ZNF385D: variants seen among roughly 807,000 people sequenced by gnomAD.
The protein encoded by ZNF385D is zinc finger protein 385D.
In ZNF385D, 15 loss-of-function variants were observed where a neutral mutation model predicts 35.8. That is an observed-to-expected ratio of 0.42 (90% CI 0.28 to 0.64). The LOEUF (loss-of-function observed/expected upper bound fraction) is 0.64, where lower values mean the gene tolerates loss of function less well. Among genes scored for constraint, ZNF385D ranks in the 30% least tolerant of loss-of-function variants. The pLI is 0.23. For missense variants in ZNF385D, 474 were observed against 494.6 expected, an observed-to-expected ratio of 0.96 and a Z score of 0.39; for synonymous variants, 212 against 186.8, an observed-to-expected ratio of 1.13 and a Z score of -1.10.
At chr3:21,807,061 A>G (rs9831481) in intron 3 of ZNF385D, among the ~76,000 whole-genome samples, 12,816 of 149,018 alleles carry the variant, frequency 0.086, 601 homozygotes, top group Middle Eastern at 0.11. Flanking sequence ...AGAGAGAAAG[A>G]AGGAGGAAAT....
intron 3 of ZNF385D, among the ~76,000 whole-genome samples, chr3:21,773,494 A>G: frequency 6.6e-6 from 1 of 151,920 alleles, no homozygotes. Flanking sequence ...CTAAAGAATC[A>G]GAGAAATTTT....
chr3:21,651,592 A>G (rs993541988), intron 2 of ZNF385D, among the ~76,000 whole-genome samples: 1 of 151,714 alleles, frequency 6.6e-6, no homozygotes, highest in African/African-American at 2.4e-5. Context: ...CATTGTGAAA[A>G]CTATTAGAAT....
intron 3 of ZNF385D, among the ~76,000 whole-genome samples, chr3:22,036,293 C>G (rs566584571): frequency 6.6e-6 from 1 of 152,218 alleles, no homozygotes; most frequent in East Asian, 1.9e-4. Flanking sequence ...CACAGTTAAT[C>G]AACCAAATAT....
At chr3:21,891,242 A>G (rs1430951968) in intron 3 of ZNF385D, among the ~76,000 whole-genome samples, 2 of 152,184 alleles carry the variant, frequency 1.3e-5, no homozygotes, top group African/African-American at 4.8e-5. Context: ...TTTCATTGTT[A>G]AGACTCTCAT....
intron 3 of ZNF385D, among the ~76,000 whole-genome samples, chr3:21,788,575 G>C (rs1007789262): frequency 1.3e-5 from 2 of 152,184 alleles, no homozygotes; most frequent in Non-Finnish European, 2.9e-5. Context: ...TTAGTACATT[G>C]TCTTTGAATC....
chr3:21,811,825 A>G (rs1173129089), intron 3 of ZNF385D, among the ~76,000 whole-genome samples: 2 of 152,206 alleles, frequency 1.3e-5, no homozygotes, highest in African/African-American at 4.8e-5. Context: ...AATCATCATG[A>G]ATTTTTCCAA....
intron 3 of ZNF385D, among the ~76,000 whole-genome samples, chr3:21,757,134 T>TTTTTTTTTTTTTTTTTTTTGTTTTTG (rs1553654008): frequency 7.8e-6 from 1 of 128,232 alleles, no homozygotes; most frequent in Non-Finnish European, 1.6e-5. Context: ...TTTTTTTTTT[T>TTTTTTTTTTTTTTTTTTTTGTTTTTG]TTTTTGTTTT....
intron 2 of ZNF385D, among the ~76,000 whole-genome samples, chr3:21,612,013 C>T (rs555838605): frequency 6.6e-6 from 1 of 152,288 alleles, no homozygotes; most frequent in Non-Finnish European, 1.5e-5. Context: ...CTAAAAGTTA[C>T]CATCATTCTA....
In ZNF385D at chr3:21,465,895, G is replaced by T. The variant is rs976106014; in HGVS notation, c.440-28692C>A. On this transcript the variant is annotated intron_variant, in intron 4 of 7. Coordinates refer to ENST00000281523, the MANE Select transcript of ZNF385D (RefSeq NM_024697.3). The surrounding 1 kb of genome is among the most constrained non-coding windows in gnomAD (Gnocchi z 4.2). ...ATTCTCCATCACACCTCAGGATACA[G>T]GAGCTGCCGTGAGCACAAATAGAGA... Among the ~76,000 whole-genome samples, 1 of 152,122 alleles carries T rather than the reference G, an allele frequency of 6.6e-6. No individual in the cohort carries two copies. Among genetic ancestry groups the T allele is most frequent in the African/African-American group, 2.4e-5 (1 of 41,414 alleles).
At chr3:21,717,320 G>A (rs1443507175) in intron 1 of ZNF385D, among the ~76,000 whole-genome samples, 2 of 152,102 alleles carry the variant, frequency 1.3e-5, no homozygotes, top group Non-Finnish European at 2.9e-5. Flanking sequence ...AGCAGAAAAG[G>A]TATGCACAGG....
chr3:21,598,905 G>T (rs1461915445), intron 2 of ZNF385D, among the ~76,000 whole-genome samples: 1 of 152,060 alleles, frequency 6.6e-6, no homozygotes, highest in Non-Finnish European at 1.5e-5. Flanking sequence ...TGTTACATTG[G>T]GATCATCTCC....
intron 3 of ZNF385D, among the ~76,000 whole-genome samples, chr3:21,531,112 T>C (rs1422048303): frequency 6.6e-6 from 1 of 152,214 alleles, no homozygotes; most frequent in Non-Finnish European, 1.5e-5. Flanking sequence ...TGATGATACA[T>C]AGAGCAATCT....
intron 4 of ZNF385D, among the ~76,000 whole-genome samples, chr3:21,467,621 C>T (rs1338622281): frequency 1.3e-5 from 2 of 152,162 alleles, no homozygotes; most frequent in Non-Finnish European, 2.9e-5. Context: ...GTGTCAATGG[C>T]ATCTTTTTGT....
chr3:22,035,713 G>C (rs899999494), intron 3 of ZNF385D, among the ~76,000 whole-genome samples: 5 of 152,164 alleles, frequency 3.3e-5, no homozygotes, highest in African/African-American at 1.2e-4. Context: ...TGGGCCATGA[G>C]TGTTTCTAAG....
chr3:21,804,733 A>C (rs1240832371), intron 3 of ZNF385D, among the ~76,000 whole-genome samples: 1 of 151,820 alleles, frequency 6.6e-6, no homozygotes, highest in African/African-American at 2.4e-5. Flanking sequence ...TACATTATTT[A>C]CTTAATTTTA....
At chr3:21,791,821 G>A (rs904053538) in intron 3 of ZNF385D, among the ~76,000 whole-genome samples, 4 of 152,118 alleles carry the variant, frequency 2.6e-5, no homozygotes, top group East Asian at 1.9e-4. Context: ...TGCAACCTCC[G>A]ACTCCCTGGT....
At chr3:21,873,827 G>A (rs1697822280) in intron 3 of ZNF385D, among the ~76,000 whole-genome samples, 2 of 151,978 alleles carry the variant, frequency 1.3e-5, no homozygotes, top group Non-Finnish European at 2.9e-5. Flanking sequence ...TCTTTTGAAT[G>A]GCCAAATAAT....
intron 3 of ZNF385D, among the ~76,000 whole-genome samples, chr3:21,855,772 A>G (rs369347001): frequency 6.6e-6 from 1 of 151,966 alleles, no homozygotes; most frequent in East Asian, 1.9e-4. Flanking sequence ...ACTCCTCTTC[A>G]CTGTAGATAC....
At chr3:21,762,717 C>T (rs953214198) in intron 3 of ZNF385D, among the ~76,000 whole-genome samples, 1 of 152,168 alleles carries the variant, frequency 6.6e-6, no homozygotes, top group Admixed American at 6.5e-5. Context: ...CTTTCACTGT[C>T]AACCCCTAGA....
Sources: gnomAD v4.1 joint callset for allele counts (sites outside exome capture counted in the v4.1 genomes callset) on GRCh38, gnomAD v4.1.1 for gene constraint, Gnocchi (gnomAD v3.1) non-coding constraint, MANE v1.5 for transcripts, NCBI Gene and HGNC (gene_info 2026-07-23, HGNC 2026-07-21) for gene names.